Variants in EIF4G3 observed in about 807,000 individuals in gnomAD.
EIF4G3 encodes the protein eIF-4-gamma 3.
Under a neutral mutation model 186.4 loss-of-function variants are expected in EIF4G3, and 34 were observed. The ratio of observed to expected loss-of-function variants is 0.18; its 90% CI spans 0.14 to 0.24. The LOEUF (loss-of-function observed/expected upper bound fraction) is 0.24. Ranked by LOEUF, EIF4G3 falls within the 10% of genes least tolerant of loss-of-function variation. The pLI, the probability that EIF4G3 is intolerant of heterozygous loss-of-function variation, is 1.00. For synonymous variants in EIF4G3, 673 were observed against 679.5 expected (o/e 0.99, Z 0.15); for missense variants, 1,536 against 1,948.5 (o/e 0.79, Z 3.99).
At chr1:20,857,326 T>TTGTGTG (rs145504996) in intron 25 of EIF4G3, 77 bp downstream of exon 25, 9 of 1,108,310 alleles carry the variant, frequency 8.1e-6, no homozygotes, top group African/African-American at 7.8e-5. Flanking sequence ...CTATTGTAAA[T>TTGTGTG]TGTGTGTGTG....
intron 3 of EIF4G3, among the ~76,000 whole-genome samples, chr1:21,072,595 G>A (rs2095477100): frequency 6.6e-6 from 1 of 152,038 alleles, no homozygotes; most frequent in East Asian, 1.9e-4. Context: ...GTAGAGACGG[G>A]GTTTCACTGT....
At chr1:21,086,187 C>A (rs968615912) in intron 3 of EIF4G3, among the ~76,000 whole-genome samples, 30 of 144,526 alleles carry the variant, frequency 2.1e-4, no homozygotes, top group African/African-American at 7.6e-4. Context: ...TATCCATTAC[C>A]TACATGATAC....
At chr1:20,981,348 G>A (rs2077928093) in intron 8 of EIF4G3, 121 bp from the exon 9 acceptor site, 6 of 707,866 alleles carry the variant, frequency 8.5e-6, no homozygotes, top group South Asian at 2.5e-5. Flanking sequence ...AATACAATAT[G>A]CATAAAAAGA....
At chr1:20,906,203 T>G (rs2092041481) in intron 14 of EIF4G3, among the ~76,000 whole-genome samples, 1 of 152,196 alleles carries the variant, frequency 6.6e-6, no homozygotes, top group Admixed American at 6.5e-5. Context: ...GGTAAATTTT[T>G]TCAAAGGATG....
intron 14 of EIF4G3, among the ~76,000 whole-genome samples, chr1:20,933,465 A>C (rs2095408197): frequency 6.6e-6 from 1 of 152,052 alleles, no homozygotes; most frequent in Non-Finnish European, 1.5e-5. Flanking sequence ...GATCAGCCTG[A>C]CAAACATGGT....
At chr1:21,042,512 A>G (rs1279400883) in intron 4 of EIF4G3, among the ~76,000 whole-genome samples, 3 of 152,132 alleles carry the variant, frequency 2.0e-5, no homozygotes, top group Non-Finnish European at 4.4e-5. Context: ...GCCTTTGTAC[A>G]CTACATTTTA....
At chr1:21,127,473 G>GA (rs2097068478) in intron 2 of EIF4G3, among the ~76,000 whole-genome samples, 2 of 152,030 alleles carry the variant, frequency 1.3e-5, no homozygotes, top group Admixed American at 1.3e-4. Context: ...TAAATTTTGT[G>GA]AAAAAATGAC....
chr1:20,977,700 A>G (rs2077128729), intron 10 of EIF4G3, among the ~76,000 whole-genome samples: 1 of 152,222 alleles, frequency 6.6e-6, no homozygotes, highest in Non-Finnish European at 1.5e-5. Flanking sequence ...AGATACAATT[A>G]TACCTCAACA....
chr1:21,068,392 A>AAACAAAAC, intron 3 of EIF4G3, among the ~76,000 whole-genome samples: 1 of 148,576 alleles, frequency 6.7e-6, no homozygotes, highest in African/African-American at 2.4e-5. Context: ...AAAAAAAAAA[A>AAACAAAAC]AAAAAAAACA....
At chr1:20,987,635 C>A (rs773982944) in intron 7 of EIF4G3, among the ~76,000 whole-genome samples, 2 of 152,202 alleles carry the variant, frequency 1.3e-5, no homozygotes, top group Admixed American at 6.5e-5. Flanking sequence ...CCATAGAAGA[C>A]AGCAAACTTA....
At chr1:21,176,118 T>TC in intron 2 of EIF4G3, 57 bp downstream of exon 2, 2 of 307,370 alleles carry the variant, frequency 6.5e-6, no homozygotes, top group East Asian at 5.3e-5. Flanking sequence ...GGCTGCGGGG[T>TC]CCCCCTGGAC....
At chr1:20,910,584 A>AAAAAAC (rs1271575301) in intron 14 of EIF4G3, among the ~76,000 whole-genome samples, 10 of 152,176 alleles carry the variant, frequency 6.6e-5, no homozygotes, top group African/African-American at 1.9e-4. Context: ...CTCCGACTCA[A>AAAAAAC]AAAAACAAAA....
intron 3 of EIF4G3, among the ~76,000 whole-genome samples, chr1:21,060,889 C>G (rs772928811): frequency 6.6e-6 from 1 of 151,414 alleles, no homozygotes; most frequent in Non-Finnish European, 1.5e-5. Context: ...GCAGGTGGAA[C>G]AGAAAGGAAT....
At chr1:21,129,957 G>A (rs1304600079) in intron 2 of EIF4G3, among the ~76,000 whole-genome samples, 1 of 152,128 alleles carries the variant, frequency 6.6e-6, no homozygotes, top group Non-Finnish European at 1.5e-5. Flanking sequence ...GCTGAGATGA[G>A]GGTGGATCAG....
At chr1:20,983,599 T>C (rs7540023) in intron 7 of EIF4G3, among the ~76,000 whole-genome samples, 61,171 of 152,058 alleles carry the variant, frequency 0.4, 12,940 homozygotes, top group Middle Eastern at 0.53. Flanking sequence ...ACAAGAATGA[T>C]ACAAGCCTCA....
chr1:20,915,266 G>C (rs1394471249), intron 14 of EIF4G3, among the ~76,000 whole-genome samples: 2 of 152,144 alleles, frequency 1.3e-5, no homozygotes, highest in African/African-American at 4.8e-5. Context: ...ATCTGTTAGA[G>C]ACTGTTTGGA....
chr1:20,975,558 A>C (rs573961762), intron 10 of EIF4G3, among the ~76,000 whole-genome samples: 10 of 151,300 alleles, frequency 6.6e-5, no homozygotes, highest in African/African-American at 1.9e-4. Context: ...TGTGAGCTCT[A>C]GCAGAGTAGA....
At position 20,903,913 on chromosome 1, in the gene EIF4G3, A is replaced by G. The variant is rs190091737; in HGVS notation, c.1752+970T>C. ...GTAAAATTATTTTAATAAAGTAGCT[A>G]AAAGAATAGTCAAAAAAAGGGAAAA... On this transcript the variant is annotated intron_variant, in intron 15 of 36. Coordinates refer to ENST00000602326, the MANE Select transcript of EIF4G3 (RefSeq NM_001391906.1). Among the ~76,000 whole-genome samples, 3 of 152,354 alleles carry G rather than the reference A, an allele frequency of 2.0e-5. No homozygotes were observed. In the East Asian group the frequency reaches 5.8e-4, roughly 29 times the overall value.
chr1:21,090,902 T>C lies in EIF4G3; in HGVS notation c.-271-1689A>G, dbSNP rs2096174068. On this transcript the variant is annotated intron_variant, in intron 2 of 36. Transcript: ENST00000602326. Reference sequence around the variant, plus strand: ...CTAATATCAGGAGATAAAAAAATAATGCAAAGGGTCTTTTTCTATATTATT... The same window carrying C: ...CTAATATCAGGAGATAAAAAAATAACGCAAAGGGTCTTTTTCTATATTATT... 3.3e-5 allele frequency among the ~76,000 whole-genome samples: 5 copies of C among 152,270 alleles called. No individual in the cohort carries two copies. In the South Asian group the frequency reaches 1.0e-3, roughly 32 times the overall value.
Sources: allele counts gnomAD v4.1 joint callset (sites outside exome capture counted in the v4.1 genomes callset), GRCh38; gene constraint gnomAD v4.1.1; transcripts MANE v1.5; gene names NCBI Gene and HGNC (gene_info 2026-07-23, HGNC 2026-07-21).